The following PTPRG variants were observed in gnomAD, a reference collection of about 807,000 sequenced individuals.
PTPRG encodes the protein receptor-type tyrosine-protein phosphatase gamma.
In PTPRG, 102 loss-of-function variants were observed where a neutral mutation model predicts 165.3. That is an observed-to-expected ratio of 0.62 (90% CI 0.53 to 0.73). The LOEUF is 0.73. Ranked by LOEUF, PTPRG falls within the 30% of genes least tolerant of loss-of-function variation. PTPRG has a pLI of 0.00. For missense variants in PTPRG, 1,866 were observed against 1,861.4 expected (o/e 1.00, Z -0.05); for synonymous variants, 675 against 669.5 (o/e 1.01, Z -0.13).
intron 5 of PTPRG, among the ~76,000 whole-genome samples, chr3:62,080,980 G>A (rs532772881): frequency 5.1e-4 from 77 of 152,188 alleles, no homozygotes; most frequent in Non-Finnish European, 1.0e-3. Context: ...ATTAGAGGCC[G>A]GGCGCGGTGG....
intron 2 of PTPRG, among the ~76,000 whole-genome samples, chr3:61,887,328 A>G (rs768860679): frequency 5.3e-5 from 8 of 151,904 alleles, no homozygotes; most frequent in African/African-American, 1.7e-4. Flanking sequence ...ACTAAGAGCC[A>G]TTAAACCAGT....
At chr3:62,146,012 A>G (rs1185242397) in intron 6 of PTPRG, among the ~76,000 whole-genome samples, 1 of 152,226 alleles carries the variant, frequency 6.6e-6, no homozygotes, top group Non-Finnish European at 1.5e-5. Context: ...GAGCATCAAA[A>G]GGAAGCTAAA....
In PTPRG at chr3:62,240,533, A is replaced by G. The variant is rs1701136335; in HGVS notation, c.2376-3274A>G. On this transcript the variant is annotated intron_variant, in intron 14 of 29. Coordinates refer to ENST00000474889, the MANE Select transcript of PTPRG (RefSeq NM_002841.4). The surrounding 1 kb of genome is among the most constrained non-coding windows in gnomAD (Gnocchi z 5.1). ...GAAGCAAATCAGATGGTGCCTCTCC[A>G]TGGATTAAAGCCTTTCATTGACTGT... Among the ~76,000 whole-genome samples the G allele has an allele frequency of 6.6e-6, 1 of 152,162 alleles. No homozygotes were observed. Among genetic ancestry groups the G allele is most frequent in the African/African-American group, 2.4e-5 (1 of 41,426 alleles).
At chr3:61,715,442 C>T (rs1020691254) in intron 1 of PTPRG, among the ~76,000 whole-genome samples, 5 of 152,126 alleles carry the variant, frequency 3.3e-5, no homozygotes, top group Non-Finnish European at 7.4e-5. Flanking sequence ...TGGTCTTGAA[C>T]TCCTGGGCTC....
At position 61,968,495 on chromosome 3, in the gene PTPRG, A is replaced by C. The variant is rs78040274; in HGVS notation, c.191-21130A>C. Among the ~76,000 whole-genome samples the C allele has an allele frequency of 3.2e-3, 494 of 152,286 alleles. 24 individuals carry two copies. The East Asian group carries it at 0.077, about 24-fold the overall frequency. ...TAGACTCATTGGGCTTAAGTGTGAA[A>C]ATTGATAAAGTTTTAATATATATTG... On this transcript the variant is annotated intron_variant, in intron 2 of 29. Transcript: ENST00000474889.
At chr3:62,276,676 T>G in intron 24 of PTPRG, 1 of 323,122 alleles carries the variant, frequency 3.1e-6, no homozygotes, top group Admixed American at 4.7e-5. Context: ...TCAAAAGTTA[T>G]CTAAAATCCT....
intron 2 of PTPRG, among the ~76,000 whole-genome samples, chr3:61,845,365 A>G (rs958930274): frequency 1.2e-4 from 18 of 152,224 alleles, no homozygotes; most frequent in Non-Finnish European, 1.9e-4. Flanking sequence ...AGTGAGGACA[A>G]TTAAACCGTG....
At chr3:62,225,212 C>A (rs546232475) in intron 13 of PTPRG, among the ~76,000 whole-genome samples, 50 of 152,332 alleles carry the variant, frequency 3.3e-4, no homozygotes, top group African/African-American at 1.2e-3. Context: ...AAGAGCTTCG[C>A]ATCCCCTGCC....
chr3:62,189,511 G>A (rs963107299), intron 8 of PTPRG, among the ~76,000 whole-genome samples: 2 of 152,146 alleles, frequency 1.3e-5, no homozygotes, highest in African/African-American at 4.8e-5. Flanking sequence ...CTGCCAGCAC[G>A]CCCGCTTACT....
chr3:61,802,967 T>C (rs1282452505), intron 2 of PTPRG, among the ~76,000 whole-genome samples: 1 of 152,240 alleles, frequency 6.6e-6, no homozygotes, highest in African/African-American at 2.4e-5. Flanking sequence ...GAACTGTTAA[T>C]GTTCTAGACC....
rs917988963 is a variant in PTPRG, at chr3:61,620,295, C to T, written c.85+57923C>T. Among the ~76,000 whole-genome samples, 6 of 152,114 alleles carry T rather than the reference C, an allele frequency of 3.9e-5. No homozygotes were observed. In the East Asian group the frequency reaches 9.7e-4, roughly 25 times the overall value. ...AATTGAAATTGCAGTTTGCCTATTA[C>T]GTGTTGGCAGTAATCTTTCAAAAAA... On this transcript the variant is annotated intron_variant, in intron 1 of 29. Transcript: ENST00000474889.
chr3:61,918,744 A>G (rs138565060), intron 2 of PTPRG, among the ~76,000 whole-genome samples: 2 of 152,292 alleles, frequency 1.3e-5, no homozygotes, highest in South Asian at 2.1e-4. Context: ...GTGATGGGAA[A>G]TGCCCTTACT....
intron 2 of PTPRG, among the ~76,000 whole-genome samples, chr3:61,810,028 G>A (rs557513588): frequency 6.6e-6 from 1 of 152,202 alleles, no homozygotes; most frequent in South Asian, 2.1e-4. Context: ...AAACTGTTTA[G>A]CCTGTTGAGC....
intron 1 of PTPRG, among the ~76,000 whole-genome samples, chr3:61,596,529 A>G (rs1559517411): frequency 6.6e-6 from 1 of 152,074 alleles, no homozygotes; most frequent in Non-Finnish European, 1.5e-5. Flanking sequence ...AGGGCAAGAC[A>G]CTTGCTATCT....
At chr3:62,156,904 T>C (rs1446539967) in intron 6 of PTPRG, among the ~76,000 whole-genome samples, 163 bp from the exon 7 acceptor site, 1 of 152,126 alleles carries the variant, frequency 6.6e-6, no homozygotes, top group East Asian at 1.9e-4. Flanking sequence ...TGCTGCTTTG[T>C]TTACTGAGGC....
chr3:62,273,834 A>G lies in PTPRG; in HGVS notation c.3455A>G (p.Lys1152Arg). ...GTAGGAGGAAAGACACGACTGGAAA[A>G]GCAATTCAAGGTAGTGCTTTGAAAA... ...PGVGGKTRLE[K>R]QFKLVTQCNA... The change falls in exon 23 of 30, where the codon AAG (lysine) becomes AGG (arginine). Residue 1152 changes from lysine to arginine, a missense_variant. Physicochemically the swap from Lys to Arg is conservative, Grantham distance 26 (BLOSUM62 2). Coordinates refer to ENST00000474889, the MANE Select transcript of PTPRG (RefSeq NM_002841.4). This position sits in a 1 kb window ranked among gnomAD's most constrained non-coding sequence, Gnocchi z 4.1. The G allele has an allele frequency of 6.2e-7, 1 of 1,613,780 alleles. No homozygotes were observed. The highest frequency in any genetic ancestry group is 8.5e-7 in the Non-Finnish European group (1 of 1,179,772).
intron 1 of PTPRG, among the ~76,000 whole-genome samples, chr3:61,669,689 G>A (rs74401914): frequency 3.9e-5 from 6 of 152,250 alleles, no homozygotes; most frequent in African/African-American, 9.6e-5. Context: ...TTTTCTTAAC[G>A]TTCTGTAGGA....
At chr3:62,019,987 G>A (rs1359618719) in intron 4 of PTPRG, among the ~76,000 whole-genome samples, 1 of 151,870 alleles carries the variant, frequency 6.6e-6, no homozygotes, top group Non-Finnish European at 1.5e-5. Context: ...TCTCGGTGGA[G>A]TCTAACATCT....
intron 1 of PTPRG, among the ~76,000 whole-genome samples, chr3:61,605,762 T>C (rs1181305530): frequency 1.3e-5 from 2 of 151,968 alleles, no homozygotes; most frequent in Non-Finnish European, 2.9e-5. Flanking sequence ...TTTGTAGAGA[T>C]GGTGTCTTGC....
Sources: allele counts gnomAD v4.1 joint callset (sites outside exome capture counted in the v4.1 genomes callset), GRCh38; gene constraint gnomAD v4.1.1; non-coding constraint Gnocchi (gnomAD v3.1); transcripts MANE v1.5; gene names NCBI Gene and HGNC (gene_info 2026-07-23, HGNC 2026-07-21).